The following LRMDA variants were observed in gnomAD, a reference collection of about 807,000 sequenced individuals.
LRMDA encodes the protein leucine-rich melanocyte differentiation-associated protein.
A neutral mutation model predicts 29.8 loss-of-function variants in LRMDA; 18 were observed. The ratio of observed to expected loss-of-function variants is 0.60; its 90% CI spans 0.42 to 0.90. The LOEUF is 0.90. LRMDA is among the 40% of genes least tolerant of loss of function. LRMDA has a pLI of 0.00. For missense variants in LRMDA, 273 were observed against 273.9 expected (o/e 1.00, Z 0.02); for synonymous variants, 125 against 109.4 (o/e 1.14, Z -0.89).
intron 5 of LRMDA, among the ~76,000 whole-genome samples, chr10:76,101,083 C>T (rs961497478): frequency 6.6e-5 from 10 of 152,136 alleles, no homozygotes; most frequent in African/African-American, 2.4e-4. Flanking sequence ...ACAAATTATC[C>T]AGCTCTTTTT....
At chr10:76,471,057 A>G (rs980700302) in intron 6 of LRMDA, among the ~76,000 whole-genome samples, 4 of 151,836 alleles carry the variant, frequency 2.6e-5, no homozygotes, top group African/African-American at 9.7e-5. Flanking sequence ...CACAATGGAG[A>G]TGGGTGGGAG....
chr10:75,588,158 G>GA (rs1298349720), intron 2 of LRMDA, among the ~76,000 whole-genome samples: 1 of 152,196 alleles, frequency 6.6e-6, no homozygotes, highest in Non-Finnish European at 1.5e-5. Flanking sequence ...AAGGAAGGTT[G>GA]AATGAGGTTA....
intron 2 of LRMDA, among the ~76,000 whole-genome samples, chr10:75,876,070 T>G (rs985816595): frequency 3.9e-5 from 6 of 151,958 alleles, no homozygotes; most frequent in African/African-American, 1.5e-4. Flanking sequence ...TGGGAGGATA[T>G]GAGACCTGAC....
chr10:75,665,384 A>G (rs1841809282), intron 2 of LRMDA, among the ~76,000 whole-genome samples: 1 of 152,194 alleles, frequency 6.6e-6, no homozygotes, highest in Non-Finnish European at 1.5e-5. Context: ...ACATGACATT[A>G]TATTGGTGGG....
chr10:75,976,712 A>G (rs911563408), intron 2 of LRMDA, among the ~76,000 whole-genome samples: 3 of 152,200 alleles, frequency 2.0e-5, no homozygotes, highest in Non-Finnish European at 4.4e-5. Context: ...GGATGTGGAT[A>G]TTATTATTAT....
chr10:76,207,684 T>C (rs1851562134), intron 5 of LRMDA, among the ~76,000 whole-genome samples: 1 of 152,024 alleles, frequency 6.6e-6, no homozygotes, highest in African/African-American at 2.4e-5. Context: ...TCACTGGTGG[T>C]CGGGTGTGGT....
At chr10:76,125,134 A>T (rs1040897220) in intron 5 of LRMDA, among the ~76,000 whole-genome samples, 4 of 152,208 alleles carry the variant, frequency 2.6e-5, no homozygotes, top group African/African-American at 7.2e-5. Flanking sequence ...AAGCAAATAG[A>T]TATTTATTTC....
Position 76,360,960 on chromosome 10 carries a change from T to C in LRMDA, c.601+36475T>C, listed in dbSNP as rs116429272. On this transcript the variant is annotated intron_variant, in intron 6 of 6. Transcript: ENST00000611255. ...TAGTTGAGGACAGCATGCTAACATA[T>C]TAAAATCAGGATTAAATGGGCTGGG... Among the ~76,000 whole-genome samples the C allele has an allele frequency of 3.2e-3, 493 of 152,238 alleles. 1 individual carries two copies. Among genetic ancestry groups the C allele is most frequent in the African/African-American group, 0.011 (462 of 41,564 alleles).
intron 5 of LRMDA, among the ~76,000 whole-genome samples, chr10:76,267,726 C>G (rs1840023537): frequency 6.6e-6 from 1 of 152,156 alleles, no homozygotes; most frequent in Non-Finnish European, 1.5e-5. Context: ...CCATCTATAG[C>G]TGTCAATCTT....
At chr10:75,746,728 G>C (rs905653960) in intron 2 of LRMDA, among the ~76,000 whole-genome samples, 16 of 151,346 alleles carry the variant, frequency 1.1e-4, no homozygotes, top group Admixed American at 7.2e-4. Context: ...TGCTATTTTT[G>C]GGGGGGGAGC....
chr10:76,136,181 T>C (rs1850090782), intron 5 of LRMDA, among the ~76,000 whole-genome samples: 1 of 152,214 alleles, frequency 6.6e-6, no homozygotes, highest in African/African-American at 2.4e-5. Context: ...TAATTTACAA[T>C]TTATGAAGTC....
chr10:75,860,881 C>T (rs1172885808), intron 2 of LRMDA, among the ~76,000 whole-genome samples: 2 of 152,150 alleles, frequency 1.3e-5, no homozygotes, highest in African/African-American at 2.4e-5. Flanking sequence ...TTGCACCTGC[C>T]ACTTATTGAA....
At chr10:75,703,692 T>A (rs957291350) in intron 2 of LRMDA, among the ~76,000 whole-genome samples, 1 of 152,198 alleles carries the variant, frequency 6.6e-6, no homozygotes, top group South Asian at 2.1e-4. Flanking sequence ...AACAGGAAGA[T>A]GGAAAGGGCC....
chr10:75,938,199 GAGA>G (rs920868653), intron 2 of LRMDA, among the ~76,000 whole-genome samples: 2 of 152,172 alleles, frequency 1.3e-5, no homozygotes, highest in Non-Finnish European at 1.5e-5. Flanking sequence ...TCAAGAAGGA[GAGA>G]AGAAGATGCT....
chr10:76,183,108 C>G (rs895080119), intron 5 of LRMDA, among the ~76,000 whole-genome samples: 1 of 152,144 alleles, frequency 6.6e-6, no homozygotes, highest in African/African-American at 2.4e-5. Context: ...TGGATGCTGT[C>G]CATGGAAGTA....
chr10:76,102,301 C>T (rs1192050226), intron 5 of LRMDA, among the ~76,000 whole-genome samples: 3 of 151,986 alleles, frequency 2.0e-5, no homozygotes, highest in Admixed American at 6.6e-5. Context: ...AGGTAAACCG[C>T]GTTGTTGTGG....
At chr10:75,632,641 T>C (rs1414940762) in intron 2 of LRMDA, among the ~76,000 whole-genome samples, 1 of 152,148 alleles carries the variant, frequency 6.6e-6, no homozygotes, top group Admixed American at 6.5e-5. Flanking sequence ...GATTTTCTTT[T>C]TTTCCCTGAT....
intron 2 of LRMDA, among the ~76,000 whole-genome samples, chr10:75,959,063 T>C (rs578179812): frequency 2.0e-5 from 3 of 152,248 alleles, no homozygotes; most frequent in African/African-American, 7.2e-5. Flanking sequence ...AAGATGAGAT[T>C]TGGGTGGAGA....
At chr10:76,556,219 C>T (rs1401354201) in intron 6 of LRMDA, among the ~76,000 whole-genome samples, 2 of 152,096 alleles carry the variant, frequency 1.3e-5, no homozygotes, top group African/African-American at 4.8e-5. Flanking sequence ...TACGGAGCCA[C>T]AGAGTTACTT....
Sources: allele counts gnomAD v4.1 joint callset (sites outside exome capture counted in the v4.1 genomes callset), GRCh38; gene constraint gnomAD v4.1.1; transcripts MANE v1.5; gene names NCBI Gene and HGNC (gene_info 2026-07-23, HGNC 2026-07-21).